GALNT13: variants seen among roughly 807,000 people sequenced by gnomAD.
The protein encoded by GALNT13 is polypeptide N-acetylgalactosaminyltransferase 13.
In GALNT13, 28 loss-of-function variants were observed where a neutral mutation model predicts 64.2. The ratio of observed to expected loss-of-function variants is 0.44; its 90% confidence interval spans 0.32 to 0.60. GALNT13 has a LOEUF of 0.60. Among genes scored for constraint, GALNT13 ranks in the 20% least tolerant of loss-of-function variants. The pLI, the probability that GALNT13 is intolerant of heterozygous loss-of-function variation, is 0.05. For synonymous variants in GALNT13, 214 were observed against 224.6 expected, an observed-to-expected ratio of 0.95 and a Z score of 0.42; for missense variants, 577 against 669.8, an observed-to-expected ratio of 0.86 and a Z score of 1.53.
At chr2:153,498,545 T>C in the GALNT13 span, among the ~76,000 whole-genome samples, 2 of 152,208 alleles carry the variant, frequency 1.3e-5, no homozygotes, top group African/African-American at 4.8e-5. Flanking sequence ...CTGGTACAGG[T>C]GCCACTTCTG....
chr2:154,268,600 G>A (rs557483268), intron 8 of GALNT13, among the ~76,000 whole-genome samples: 249 of 151,992 alleles, frequency 1.6e-3, no homozygotes, highest in African/African-American at 5.6e-3. Flanking sequence ...TAATAAAGCT[G>A]TTAAGAATTA....
At chr2:153,209,633 T>C in the GALNT13 span, among the ~76,000 whole-genome samples, 92 of 152,316 alleles carry the variant, frequency 6.0e-4, 1 homozygote, top group Non-Finnish European at 1.1e-3. Flanking sequence ...TTAAAAATTA[T>C]TTTATGTCTT....
At chr2:153,437,826 A>T in the GALNT13 span, among the ~76,000 whole-genome samples, 5 of 152,174 alleles carry the variant, frequency 3.3e-5, no homozygotes, top group Non-Finnish European at 7.3e-5. Flanking sequence ...GCCCATTTAC[A>T]TTTAAGGTTA....
the GALNT13 span, among the ~76,000 whole-genome samples, chr2:153,372,988 T>A: frequency 2.0e-5 from 3 of 152,364 alleles, no homozygotes; most frequent in African/African-American, 7.2e-5. Flanking sequence ...TTTGTGGAGT[T>A]GCATAAGACA....
the GALNT13 span, among the ~76,000 whole-genome samples, chr2:153,164,388 A>G: frequency 0.11 from 16,199 of 152,062 alleles, 1,085 homozygotes; most frequent in Non-Finnish European, 0.15. Context: ...TATTTTTACT[A>G]TATGTTTTTT....
the GALNT13 span, among the ~76,000 whole-genome samples, chr2:153,442,352 G>GT: frequency 6.6e-6 from 1 of 152,132 alleles, no homozygotes; most frequent in East Asian, 1.9e-4. Flanking sequence ...GTTTGCCAGT[G>GT]TTTTATTGAG....
the GALNT13 span, among the ~76,000 whole-genome samples, chr2:153,697,836 C>A: frequency 6.6e-6 from 1 of 152,168 alleles, no homozygotes; most frequent in East Asian, 1.9e-4. Context: ...CACTCACTTG[C>A]ATTTGCCACT....
the GALNT13 span, among the ~76,000 whole-genome samples, chr2:153,081,601 G>C: frequency 1.3e-5 from 2 of 152,096 alleles, no homozygotes; most frequent in East Asian, 3.9e-4. Context: ...TCCCATAAAT[G>C]AGTGAAAGCA....
Position 154,265,441 on chromosome 2 carries a change from G to A in GALNT13, c.975+6303G>A, listed in dbSNP as rs984166354. ...GGGCCAGGCTCAGTGGCTCATGCCT[G>A]TAATCCCAACACTTTGTGAGGCCGA... On this transcript the variant is annotated intron_variant, in intron 8 of 12. Coordinates refer to ENST00000392825, the MANE Select transcript of GALNT13 (RefSeq NM_052917.4). Among the ~76,000 whole-genome samples the A allele has an allele frequency of 1.6e-4, 25 of 152,262 alleles. No individual in the cohort carries two copies. The South Asian group carries it at 4.1e-3, about 25-fold the overall frequency.
the GALNT13 span, among the ~76,000 whole-genome samples, chr2:153,827,569 T>G: frequency 2.7e-5 from 4 of 150,400 alleles, no homozygotes; most frequent in South Asian, 6.3e-4. Context: ...GAGCTTGCAG[T>G]TAGCTGAGAT....
At chr2:154,093,224 T>G (rs1317999141) in intron 3 of GALNT13, among the ~76,000 whole-genome samples, 1 of 152,022 alleles carries the variant, frequency 6.6e-6, no homozygotes, top group Non-Finnish European at 1.5e-5. Context: ...ATAAATTATT[T>G]GATTATAGGG....
At chr2:154,269,930 A>ATATATATATATATAT (rs1553506263) in intron 8 of GALNT13, among the ~76,000 whole-genome samples, 6 of 142,864 alleles carry the variant, frequency 4.2e-5, no homozygotes, top group African/African-American at 1.0e-4. Context: ...ATATATTTCT[A>ATATATATATATATAT]AAGCACAGGG....
intron 4 of GALNT13, among the ~76,000 whole-genome samples, chr2:154,188,362 A>G (rs370391564): frequency 2.6e-5 from 4 of 152,190 alleles, no homozygotes; most frequent in African/African-American, 7.2e-5. Flanking sequence ...CAGACAAAAT[A>G]TAAGTTTGCA....
the GALNT13 span, among the ~76,000 whole-genome samples, chr2:153,163,022 C>T: frequency 3.3e-5 from 5 of 152,264 alleles, no homozygotes; most frequent in South Asian, 1.0e-3. Flanking sequence ...ATTTGCAAAG[C>T]AGAGAAACAT....
chr2:153,121,870 T>C, the GALNT13 span, among the ~76,000 whole-genome samples: 2 of 152,208 alleles, frequency 1.3e-5, no homozygotes, highest in African/African-American at 2.4e-5. Context: ...AAGTCCCTTA[T>C]AATGGTATCA....
At chr2:154,421,095 C>A (rs1044682039) in intron 11 of GALNT13, among the ~76,000 whole-genome samples, 4 of 151,904 alleles carry the variant, frequency 2.6e-5, no homozygotes, top group Non-Finnish European at 2.9e-5. Flanking sequence ...ACAAGAAATT[C>A]ATGTTCAAAT....
the GALNT13 span, among the ~76,000 whole-genome samples, chr2:153,630,705 A>G: frequency 4.3e-5 from 6 of 141,058 alleles, no homozygotes; most frequent in Non-Finnish European, 7.7e-5. Flanking sequence ...AATTAATTCA[A>G]GATGGATTAA....
chr2:153,872,619 C>CGGGGG (rs1218155488), intron 1 of GALNT13, among the ~76,000 whole-genome samples: 3 of 16,286 alleles, frequency 1.8e-4, no homozygotes, highest in Admixed American at 1.4e-3. Flanking sequence ...TTGTTGGTGG[C>CGGGGG]GGGGGGGGGG....
At chr2:153,540,971 G>A in the GALNT13 span, among the ~76,000 whole-genome samples, 35 of 152,140 alleles carry the variant, frequency 2.3e-4, no homozygotes, top group Non-Finnish European at 4.6e-4. Flanking sequence ...CTAAGACTTT[G>A]GGGGACTGTT....
Sources: allele counts gnomAD v4.1 joint callset (sites outside exome capture counted in the v4.1 genomes callset), GRCh38; gene constraint gnomAD v4.1.1; transcripts MANE v1.5; gene names NCBI Gene and HGNC (gene_info 2026-07-23, HGNC 2026-07-21).